Variants in TMEM132D observed in about 807,000 individuals in gnomAD.
TMEM132D encodes the protein mature OL transmembrane protein.
TMEM132D carries 21 observed loss-of-function variants against 62.3 expected under a neutral mutation model. The observed-to-expected ratio is 0.34, with a 90% CI of 0.24 to 0.49. The LOEUF is 0.49. TMEM132D is among the 20% of genes least tolerant of loss of function. The pLI is 0.99. For missense variants in TMEM132D, 1,346 were observed against 1,402.8 expected (o/e 0.96, Z 0.65); for synonymous variants, 621 against 575.6 (o/e 1.08, Z -1.13).
intron 3 of TMEM132D, among the ~76,000 whole-genome samples, chr12:129,350,742 T>A (rs1393133061): frequency 3.3e-5 from 5 of 152,212 alleles, no homozygotes; most frequent in African/African-American, 7.2e-5. Context: ...TTCATGGGGA[T>A]TTTATTATGA....
intron 1 of TMEM132D, among the ~76,000 whole-genome samples, chr12:129,837,936 C>T (rs1873057690): frequency 6.6e-6 from 1 of 152,222 alleles, no homozygotes; most frequent in Admixed American, 6.5e-5. Flanking sequence ...TATATAATTA[C>T]ACACAAAATG....
chr12:129,564,323 C>T (rs1325904451), intron 2 of TMEM132D, among the ~76,000 whole-genome samples: 1 of 152,188 alleles, frequency 6.6e-6, no homozygotes, highest in Non-Finnish European at 1.5e-5. Context: ...AAACACATGG[C>T]AGAAAGTTTC....
chr12:129,519,179 T>C (rs767529538), intron 3 of TMEM132D, among the ~76,000 whole-genome samples: 1 of 152,204 alleles, frequency 6.6e-6, no homozygotes, highest in Non-Finnish European at 1.5e-5. Context: ...CTCTATGAAC[T>C]TGGCTGGGGA....
At chr12:129,661,205 A>G (rs1337701092) in intron 2 of TMEM132D, among the ~76,000 whole-genome samples, 1 of 152,086 alleles carries the variant, frequency 6.6e-6, no homozygotes, top group Non-Finnish European at 1.5e-5. Flanking sequence ...ATTTGCGTAC[A>G]GTTTCTTTAT....
chr12:129,337,441 G>GCACACACGCA (rs1869325547), intron 4 of TMEM132D, among the ~76,000 whole-genome samples, 193 bp downstream of exon 4: 1 of 148,112 alleles, frequency 6.8e-6, no homozygotes, highest in South Asian at 2.2e-4. Flanking sequence ...ATACACACAC[G>GCACACACGCA]CACACACACA....
intron 4 of TMEM132D, among the ~76,000 whole-genome samples, chr12:129,294,032 G>T (rs1475131578): frequency 6.6e-6 from 1 of 152,180 alleles, no homozygotes; most frequent in African/African-American, 2.4e-5. Flanking sequence ...ACTTGAAAAA[G>T]AAATTGGGTT....
intron 1 of TMEM132D, among the ~76,000 whole-genome samples, chr12:129,783,332 A>G (rs1871172183): frequency 6.6e-6 from 1 of 152,204 alleles, no homozygotes; most frequent in African/African-American, 2.4e-5. Context: ...CACACTAGAA[A>G]AAGTCTCATG....
chr12:129,154,521 T>C (rs903529360), intron 5 of TMEM132D, among the ~76,000 whole-genome samples: 2 of 152,190 alleles, frequency 1.3e-5, no homozygotes, highest in Non-Finnish European at 2.9e-5. Context: ...CCTGAGGTCA[T>C]TTAATGAGTG....
At chr12:129,513,359 C>T (rs1279353364) in intron 3 of TMEM132D, among the ~76,000 whole-genome samples, 4 of 152,238 alleles carry the variant, frequency 2.6e-5, no homozygotes, top group Non-Finnish European at 5.9e-5. Context: ...GAGGGATCTG[C>T]CCCCATAACC....
At chr12:129,265,476 C>T (rs895721205) in intron 4 of TMEM132D, among the ~76,000 whole-genome samples, 12 of 152,152 alleles carry the variant, frequency 7.9e-5, no homozygotes, top group African/African-American at 2.9e-4. Flanking sequence ...ATCCACCACA[C>T]CCTCTGAAAG....
At chr12:129,147,614 G>T (rs1472889195) in intron 5 of TMEM132D, among the ~76,000 whole-genome samples, 3 of 152,054 alleles carry the variant, frequency 2.0e-5, no homozygotes, top group Non-Finnish European at 1.5e-5. Context: ...TGGATTGGGT[G>T]CTGTGTTAGA....
intron 2 of TMEM132D, among the ~76,000 whole-genome samples, chr12:129,641,035 T>C (rs994951653): frequency 4.6e-5 from 7 of 152,166 alleles, no homozygotes; most frequent in Non-Finnish European, 8.8e-5. Context: ...TTCTACATTA[T>C]GGTGAGTTGT....
chr12:129,744,859 T>C (rs1403524302), intron 1 of TMEM132D, among the ~76,000 whole-genome samples: 5 of 152,206 alleles, frequency 3.3e-5, no homozygotes, highest in Admixed American at 2.0e-4. Flanking sequence ...GGTTGGGCTC[T>C]GTGTCCCCAC....
intron 3 of TMEM132D, among the ~76,000 whole-genome samples, chr12:129,345,756 T>C (rs1869661666): frequency 6.6e-6 from 1 of 152,226 alleles, no homozygotes; most frequent in Non-Finnish European, 1.5e-5. Context: ...TTTGAGTATG[T>C]TGAATCAGCC....
Position 129,830,925 on chromosome 12 carries a change from C to T in TMEM132D, c.79+72336G>A, listed in dbSNP as rs187549009. Among the ~76,000 whole-genome samples, 359 of 152,224 alleles carry T rather than the reference C, an allele frequency of 2.4e-3. 5 individuals carry two copies. The highest frequency in any genetic ancestry group is 8.1e-3 in the African/African-American group (338 of 41,538). On this transcript the variant is annotated intron_variant, in intron 1 of 8. Transcript: ENST00000422113. The stretch of plus-strand genomic sequence containing the variant: ...GCATGCTACTCAAATTTCTAAGTCA[C>T]GAGAATTCAAGTGTTGGAGACACCC...
At chr12:129,366,542 C>G (rs1275200250) in intron 3 of TMEM132D, among the ~76,000 whole-genome samples, 1 of 152,180 alleles carries the variant, frequency 6.6e-6, no homozygotes, top group Admixed American at 6.5e-5. Context: ...TGCAGAACCA[C>G]GAGCAAATTA....
chr12:129,431,938 C>T (rs190151476), intron 3 of TMEM132D, among the ~76,000 whole-genome samples: 1 of 152,338 alleles, frequency 6.6e-6, no homozygotes, highest in East Asian at 1.9e-4. Context: ...TAGTGCTCCT[C>T]TCCCACATAT....
At chr12:129,813,480 G>C (rs1461278477) in intron 1 of TMEM132D, among the ~76,000 whole-genome samples, 1 of 151,368 alleles carries the variant, frequency 6.6e-6, no homozygotes, top group East Asian at 2.0e-4. Context: ...ACTGTTGGTG[G>C]GAACGTAAAG....
intron 1 of TMEM132D, chr12:129,854,617 C>CT (rs1162524748): frequency 6.6e-6 from 1 of 152,196 alleles, no homozygotes; most frequent in African/African-American, 2.4e-5. Flanking sequence ...AATGAGGAAA[C>CT]TCTTTTCTCC....
Sources: gnomAD v4.1 joint callset for allele counts (sites outside exome capture counted in the v4.1 genomes callset) on GRCh38, gnomAD v4.1.1 for gene constraint, MANE v1.5 for transcripts, NCBI Gene and HGNC (gene_info 2026-07-23, HGNC 2026-07-21) for gene names.